PCDH19: variants seen among roughly 807,000 people sequenced by gnomAD.
The protein encoded by PCDH19 is protocadherin 19.
A neutral mutation model predicts 46.2 loss-of-function variants in PCDH19; 6 were observed. The observed-to-expected ratio is 0.13, with a 90% CI of 0.07 to 0.26. The LOEUF is 0.26. PCDH19 is among the 10% of genes least tolerant of loss of function. PCDH19 has a pLI of 1.00. For synonymous variants in PCDH19, 481 were observed against 415.7 expected, an observed-to-expected ratio of 1.16 and a Z score of -1.91; for missense variants, 740 against 972.3, an observed-to-expected ratio of 0.76 and a Z score of 3.18.
At chrX:100,363,615 T>TTATATATATATATA (rs60968315) in intron 3 of PCDH19, among the ~76,000 whole-genome samples, 131 of 89,563 alleles carry the variant, frequency 1.5e-3, no homozygotes, top group African/African-American at 5.2e-3. Flanking sequence ...ATGGGAAGTT[T>TTATATATATATATA]TATATATATA....
In PCDH19 at chrX:100,334,780, A is replaced by AGT. The variant is rs1325455895; in HGVS notation, c.2848+7121_2848+7122dup. Among the ~76,000 whole-genome samples, 6 of 98,324 alleles carry AGT rather than the reference A, an allele frequency of 6.1e-5. No individual in the cohort carries two copies. The South Asian group carries it at 1.9e-3, about 32-fold the overall frequency. The allele number at this position is 98,324 out of a possible 115,157, so 85.4% of individuals were successfully genotyped here. On this transcript the variant is annotated intron_variant, in intron 5 of 5. Coordinates refer to ENST00000373034, the MANE Select transcript of PCDH19 (RefSeq NM_001184880.2). ...CGTGTGTGTGTGTGTGTGTGTGTAT[A>AGT]GTGTGTGTGTGCATGTGTTTTCCCG...
At chrX:100,319,668 A>T (rs1249930573) in intron 5 of PCDH19, among the ~76,000 whole-genome samples, 3 of 112,247 alleles carry the variant, frequency 2.7e-5, no homozygotes, top group Admixed American at 1.9e-4. Context: ...AGACTAAAAG[A>T]CACTAAAGGC....
At chrX:100,379,058 C>A (rs1202554145) in intron 3 of PCDH19, among the ~76,000 whole-genome samples, 1 of 110,926 alleles carries the variant, frequency 9.0e-6, no homozygotes, top group Admixed American at 9.7e-5. Context: ...AGGGGACAAT[C>A]CTCTTTGGAC....
chrX:100,351,397 G>A (rs746778850), intron 3 of PCDH19, among the ~76,000 whole-genome samples: 1 of 112,825 alleles, frequency 8.9e-6, no homozygotes, highest in Non-Finnish European at 1.9e-5. Flanking sequence ...GACTGCTGGA[G>A]CAATGGCTTT....
At chrX:100,362,180 C>A (rs1330233336) in intron 3 of PCDH19, among the ~76,000 whole-genome samples, 1 of 111,600 alleles carries the variant, frequency 9.0e-6, no homozygotes, top group Non-Finnish European at 1.9e-5. Context: ...CCACAGCTCT[C>A]TCTTGGTCAA....
intron 5 of PCDH19, among the ~76,000 whole-genome samples, chrX:100,305,297 GC>G (rs35323578): frequency 0.33 from 36,255 of 110,515 alleles, 5,328 homozygotes; most frequent in East Asian, 0.65. Flanking sequence ...ACAATTATCA[GC>G]CAAGAATTTT....
At chrX:100,361,335 A>G (rs1926875909) in intron 3 of PCDH19, among the ~76,000 whole-genome samples, 1 of 112,362 alleles carries the variant, frequency 8.9e-6, no homozygotes, top group African/African-American at 3.2e-5. Context: ...TGCAAAAGAG[A>G]GAAAAACTAC....
At chrX:100,370,601 G>A (rs767752951) in intron 3 of PCDH19, among the ~76,000 whole-genome samples, 2 of 111,636 alleles carry the variant, frequency 1.8e-5, no homozygotes, top group South Asian at 7.5e-4. Context: ...AGAATGAATC[G>A]CTATTACAAG....
chrX:100,348,362 TTAACACA>T (rs1926474441), intron 4 of PCDH19, among the ~76,000 whole-genome samples: 1 of 83,723 alleles, frequency 1.2e-5, no homozygotes, highest in African/African-American at 3.8e-5. Context: ...CATTTTACAT[TTAACACA>T]GTTGGTCCCC....
intron 5 of PCDH19, among the ~76,000 whole-genome samples, chrX:100,333,228 A>G (rs1925972344): frequency 9.3e-6 from 1 of 107,352 alleles, no homozygotes; most frequent in African/African-American, 3.4e-5. Flanking sequence ...AAAGAAAGAA[A>G]GAAAGAAAGA....
rs1924525602 is a variant in PCDH19 at position 100,294,403 on chromosome X, G to A, written c.*1874C>T. On this transcript the variant is annotated 3_prime_UTR_variant, in exon 6 of 6. Coordinates refer to ENST00000373034, the MANE Select transcript of PCDH19 (RefSeq NM_001184880.2). ...TCATTATAAGTTCTTTTTCAGAAAT[G>A]TTCTCCCCTACCTAACCCCATCCCT... The A allele has an allele frequency of 9.0e-6, 1 of 110,929 alleles. No homozygotes were observed. The highest frequency in any genetic ancestry group is 1.9e-5 in the Non-Finnish European group (1 of 52,872). 9.1% of individuals were successfully genotyped at this position (110,929 alleles called of 1,213,427 possible). A position where few individuals can be genotyped will look rare whatever the true frequency, so the allele number is the denominator to read the frequency against.
At chrX:100,394,310 T>C (rs930323518) in intron 3 of PCDH19, among the ~76,000 whole-genome samples, 6 of 112,182 alleles carry the variant, frequency 5.3e-5, no homozygotes, top group African/African-American at 1.9e-4. Flanking sequence ...CTAACATGTG[T>C]CTGTCAATTT....
intron 3 of PCDH19, among the ~76,000 whole-genome samples, chrX:100,395,063 A>G (rs1927987861): frequency 9.2e-6 from 1 of 108,368 alleles, no homozygotes. Flanking sequence ...AATTTTTTGT[A>G]TTTTTAGTAG....
Position 100,296,549 on chromosome X carries a change from A to C in PCDH19, c.3175T>G (p.Cys1059Gly). The stretch of plus-strand genomic sequence containing the variant: ...GAGGTGACAGGGCTAATCGCCTCAC[A>C]GCCATTGCCTGCCTCCCGGATAACG... ...NSVIREAGNG[C>G]EAISPVTSPL... Residue 1059 changes from cysteine to glycine, a missense_variant, in exon 6 of 6, where the codon TGT (cysteine) becomes GGT (glycine). Cys to Gly is a radical substitution (Grantham distance 159). Transcript: ENST00000373034. 8.3e-7 allele frequency: 1 copy of C among 1,211,280 alleles called. No individual in the cohort carries two copies.
chrX:100,322,865 A>ATATATATATATATATATTTTTTTTTTTTT, intron 5 of PCDH19, among the ~76,000 whole-genome samples: 2 of 54,410 alleles, frequency 3.7e-5, no homozygotes, highest in Non-Finnish European at 6.6e-5. Context: ...ATATATATAT[A>ATATATATATATATATATTTTTTTTTTTTT]TTTTTGCAGC....
intron 5 of PCDH19, among the ~76,000 whole-genome samples, chrX:100,312,534 C>T (rs1925164279): frequency 9.0e-6 from 1 of 111,336 alleles, no homozygotes; most frequent in Non-Finnish European, 1.9e-5. Flanking sequence ...TTATACTAGT[C>T]GGAAAAAGTA....
chrX:100,379,548 A>G (rs1201819339), intron 3 of PCDH19, among the ~76,000 whole-genome samples: 2 of 112,301 alleles, frequency 1.8e-5, no homozygotes, highest in East Asian at 5.6e-4. Flanking sequence ...CAAGTTGAAT[A>G]AAGGCTGGCT....
chrX:100,349,954 C>A (rs1476215344), intron 4 of PCDH19, among the ~76,000 whole-genome samples: 3 of 112,321 alleles, frequency 2.7e-5, no homozygotes, highest in African/African-American at 6.5e-5. Flanking sequence ...ATTATGGCTC[C>A]TTGGATACTA....
intron 5 of PCDH19, among the ~76,000 whole-genome samples, chrX:100,325,839 T>C (rs2147470990): frequency 8.9e-6 from 1 of 112,150 alleles, no homozygotes; most frequent in South Asian, 3.7e-4. Context: ...GCCTCTGTGT[T>C]ATAAGTTGTT....
Sources: gnomAD v4.1 joint callset for allele counts (sites outside exome capture counted in the v4.1 genomes callset) on GRCh38, gnomAD v4.1.1 for gene constraint, MANE v1.5 for transcripts, NCBI Gene and HGNC (gene_info 2026-07-23, HGNC 2026-07-21) for gene names.